NGEF: variants seen among roughly 807,000 people sequenced by gnomAD.
NGEF encodes the protein neuronal guanine nucleotide exchange factor, also known as ephexin-1.
A neutral mutation model predicts 80.9 loss-of-function variants in NGEF; 31 were observed. That is an observed-to-expected ratio of 0.38 (90% CI 0.29 to 0.52). NGEF has a LOEUF of 0.52. Ranked by LOEUF, NGEF falls within the 20% of genes least tolerant of loss-of-function variation. The probability of loss-of-function intolerance (pLI) is 0.84; values close to 1 mark genes in which losing one functional copy is unlikely to be tolerated. For synonymous variants in NGEF, 371 were observed against 370.2 expected (o/e 1.00, Z -0.03); for missense variants, 709 against 926.2 (o/e 0.77, Z 3.04).
At chr2:232,886,912 CT>C (rs1353906339) in intron 9 of NGEF, among the ~76,000 whole-genome samples, 1 of 152,370 alleles carries the variant, frequency 6.6e-6, no homozygotes, top group East Asian at 1.9e-4. Flanking sequence ...CGGATGCCCC[CT>C]GGCTACCCTG....
At chr2:232,985,534 C>G (rs190952197) in intron 1 of NGEF, among the ~76,000 whole-genome samples, 1 of 152,028 alleles carries the variant, frequency 6.6e-6, no homozygotes, top group East Asian at 1.9e-4. Context: ...GGGCGGATCA[C>G]GAGGTCAGCA....
intron 3 of NGEF, among the ~76,000 whole-genome samples, chr2:232,954,259 G>A (rs1693744354): frequency 6.6e-6 from 1 of 152,124 alleles, no homozygotes; most frequent in Non-Finnish European, 1.5e-5. Flanking sequence ...CAGGGGAGGT[G>A]GGTATCCAGG....
chr2:232,923,002 G>A (rs1032420184), intron 4 of NGEF, among the ~76,000 whole-genome samples: 1 of 152,110 alleles, frequency 6.6e-6, no homozygotes, highest in Non-Finnish European at 1.5e-5. Context: ...CCTGGGGGGC[G>A]GAGGTTGCAG....
chr2:233,003,154 C>T (rs536550558), intron 1 of NGEF, among the ~76,000 whole-genome samples: 1 of 152,318 alleles, frequency 6.6e-6, no homozygotes, highest in East Asian at 1.9e-4. Flanking sequence ...AACCCAAACC[C>T]TCCCGGGAGG....
At chr2:232,907,875 G>A (rs963011141) in intron 5 of NGEF, among the ~76,000 whole-genome samples, 2 of 152,110 alleles carry the variant, frequency 1.3e-5, no homozygotes, top group African/African-American at 4.8e-5. Context: ...TTGGGAGGCC[G>A]AGGCAGGGAC....
At chr2:232,887,982 G>A (rs750891740) in intron 9 of NGEF, 51 bp downstream of exon 9, 1 of 1,418,866 alleles carries the variant, frequency 7.0e-7, no homozygotes, top group South Asian at 1.1e-5. Context: ...GGTGTGCCTG[G>A]ATGAGGAAAA....
intron 5 of NGEF, among the ~76,000 whole-genome samples, chr2:232,900,677 C>G (rs1559200277): frequency 7.4e-6 from 1 of 135,218 alleles, no homozygotes; most frequent in East Asian, 1.9e-4. Flanking sequence ...CACACACGCT[C>G]TCAGTCACTC....
At chr2:232,970,406 A>T in intron 2 of NGEF, 78 bp from the exon 3 acceptor site, 1 of 907,044 alleles carries the variant, frequency 1.1e-6, no homozygotes, top group South Asian at 1.5e-5. Flanking sequence ...AGCCTAGGAC[A>T]GTAGCAGCAG....
chr2:232,917,758 A>C (rs1692839538), intron 5 of NGEF, among the ~76,000 whole-genome samples: 1 of 152,070 alleles, frequency 6.6e-6, no homozygotes, highest in South Asian at 2.1e-4. Flanking sequence ...ATTTCTAATC[A>C]ATTGGATAAT....
At chr2:232,957,541 T>G (rs1266063163) in intron 3 of NGEF, among the ~76,000 whole-genome samples, 1 of 152,224 alleles carries the variant, frequency 6.6e-6, no homozygotes, top group Non-Finnish European at 1.5e-5. Flanking sequence ...CAGGGTGGTC[T>G]TGAACTCCTG....
chr2:232,904,036 A>G (rs577611338), intron 5 of NGEF, among the ~76,000 whole-genome samples: 1 of 152,308 alleles, frequency 6.6e-6, no homozygotes, highest in South Asian at 2.1e-4. Context: ...TCCAGGCAAC[A>G]CAGCAAGACC....
At chr2:232,886,340 CTG>C (rs766570071) in intron 9 of NGEF, among the ~76,000 whole-genome samples, 4 of 149,452 alleles carry the variant, frequency 2.7e-5, no homozygotes, top group Non-Finnish European at 5.9e-5. Flanking sequence ...GCAGTGTGTA[CTG>C]TGTGATGAGG....
intron 1 of NGEF, among the ~76,000 whole-genome samples, chr2:232,978,342 G>C (rs1002589036): frequency 6.6e-6 from 1 of 151,968 alleles, no homozygotes; most frequent in South Asian, 2.1e-4. Flanking sequence ...GTGAAAACCA[G>C]TCTCTACTAA....
intron 5 of NGEF, chr2:232,901,509 G>A (rs1692356506): frequency 1.1e-6 from 1 of 903,688 alleles, no homozygotes; most frequent in African/African-American, 1.8e-5. Context: ...ATGCGTTGTT[G>A]CAGCTGCGTC....
intron 3 of NGEF, among the ~76,000 whole-genome samples, chr2:232,955,179 C>A: frequency 6.6e-6 from 1 of 152,134 alleles, no homozygotes; most frequent in East Asian, 1.9e-4. Flanking sequence ...CTGAAAATTG[C>A]AAGTAAAGTA....
At chr2:232,953,301 CAAAAAA>C (rs57652494) in intron 3 of NGEF, among the ~76,000 whole-genome samples, 5 of 91,240 alleles carry the variant, frequency 5.5e-5, no homozygotes, top group South Asian at 4.6e-4. Context: ...GACTCTGTGT[CAAAAAA>C]AAAAAAAAAA....
intron 3 of NGEF, chr2:232,927,932 CT>C: frequency 7.4e-7 from 1 of 1,343,986 alleles, no homozygotes; most frequent in Non-Finnish European, 9.6e-7. Flanking sequence ...GCGCGCGTCG[CT>C]TTCCGAGGTG....
At chr2:232,904,629 G>A (rs540070631) in intron 5 of NGEF, among the ~76,000 whole-genome samples, 35 of 152,306 alleles carry the variant, frequency 2.3e-4, no homozygotes, top group African/African-American at 8.4e-4. Flanking sequence ...GTGGGACCAA[G>A]TGCTTCAGGA....
intron 3 of NGEF, among the ~76,000 whole-genome samples, chr2:232,939,774 G>C (rs574122733): frequency 6.6e-6 from 1 of 152,166 alleles, no homozygotes; most frequent in Non-Finnish European, 1.5e-5. Flanking sequence ...GAGGCAGGTG[G>C]ATCACCTGAG....
Sources: gnomAD v4.1 joint callset for allele counts (sites outside exome capture counted in the v4.1 genomes callset) on GRCh38, gnomAD v4.1.1 for gene constraint, MANE v1.5 for transcripts, NCBI Gene and HGNC (gene_info 2026-07-23, HGNC 2026-07-21) for gene names.